The following MDN1 variants were observed in gnomAD, a reference collection of about 807,000 sequenced individuals.
The protein encoded by MDN1 is midasin AAA ATPase 1.
In MDN1, 266 loss-of-function variants were observed where a neutral mutation model predicts 669.2. The ratio of observed to expected loss-of-function variants is 0.40; its 90% CI spans 0.36 to 0.44. The LOEUF is 0.44. MDN1 is among the 20% of genes least tolerant of loss of function. MDN1 has a pLI of 1.00. For missense variants in MDN1, 5,940 were observed against 6,754.0 expected (o/e 0.88, Z 4.22); for synonymous variants, 2,385 against 2,457.1 (o/e 0.97, Z 0.87).
chr6:89,809,993 T>TAAAA lies in MDN1; in HGVS notation c.103-6443_103-6440dup, dbSNP rs61558155. ...GCAACAGAGTGAGACTCCGTTTCAC[T>TAAAA]AAAAAAAAAAAAAAAAAAAAAAAAA... is the stretch of plus-strand genomic sequence containing the variant. On this transcript the variant is annotated intron_variant, in intron 1 of 101. Transcript: ENST00000369393. Among the ~76,000 whole-genome samples, 73 of 52,820 alleles carry TAAAA rather than the reference T, an allele frequency of 1.4e-3. 1 individual carries two copies. The highest frequency in any genetic ancestry group is 2.3e-3 in the African/African-American group (29 of 12,750). 34.7% of individuals were successfully genotyped at this position (52,820 alleles called of 152,430 possible). A position where few individuals can be genotyped will look rare whatever the true frequency, so the allele number is the denominator to read the frequency against.
chr6:89,658,559 TCTC>T (rs1809495516), intron 89 of MDN1, 48 bp downstream of exon 89: 4 of 1,562,124 alleles, frequency 2.6e-6, no homozygotes, highest in Non-Finnish European at 3.5e-6. Context: ...TAAGGTGACT[TCTC>T]CTCTTCCTCA....
At chr6:89,780,566 T>C (rs1241999176) in intron 10 of MDN1, among the ~76,000 whole-genome samples, 1 of 151,586 alleles carries the variant, frequency 6.6e-6, no homozygotes, top group Non-Finnish European at 1.5e-5. Flanking sequence ...CATTACTCTC[T>C]GCCATCCATG....
intron 90 of MDN1, 68 bp from the exon 91 acceptor site, chr6:89,656,869 C>T (rs1809344949): frequency 1.2e-5 from 15 of 1,291,988 alleles, no homozygotes; most frequent in Non-Finnish European, 1.4e-5. Context: ...TACTGTGCTG[C>T]ATTGAATACA....
chr6:89,655,632 A>G (rs986675509), intron 92 of MDN1, 132 bp downstream of exon 92: 4 of 832,174 alleles, frequency 4.8e-6, no homozygotes, highest in Non-Finnish European at 5.5e-6. Context: ...TGACTTGATC[A>G]TTAAACATTG....
At chr6:89,771,789 G>A (rs1032648697) in intron 14 of MDN1, among the ~76,000 whole-genome samples, 168 bp from the exon 15 acceptor site, 1 of 152,092 alleles carries the variant, frequency 6.6e-6, no homozygotes, top group Non-Finnish European at 1.5e-5. Context: ...GCTCACTGCA[G>A]CCTCAACTTC....
At chr6:89,780,080 AC>A in intron 11 of MDN1, 131 bp downstream of exon 11, 7 of 554,732 alleles carry the variant, frequency 1.3e-5, no homozygotes, top group Non-Finnish European at 2.2e-5. Context: ...AAAAAAAAAA[AC>A]AAAAAAAGAA....
chr6:89,745,155 A>AT, intron 29 of MDN1, 118 bp downstream of exon 29: 2 of 1,107,032 alleles, frequency 1.8e-6, no homozygotes, highest in Non-Finnish European at 2.4e-6. Context: ...AAAAAAAAGA[A>AT]AAAAGAGGAA....
At chr6:89,761,590 A>G (rs1183881992) in intron 17 of MDN1, 55 bp downstream of exon 17, 16 of 1,299,328 alleles carry the variant, frequency 1.2e-5, no homozygotes, top group East Asian at 2.3e-5. Context: ...TGCCTGAAAC[A>G]TTGTTTTGCA....
intron 5 of MDN1, among the ~76,000 whole-genome samples, chr6:89,792,563 CAA>C (rs891966099): frequency 1.3e-5 from 2 of 152,168 alleles, no homozygotes; most frequent in South Asian, 2.1e-4. Context: ...GAAAAAAACA[CAA>C]AGAGCTTTGG....
rs751131111 is a variant in MDN1 at position 89,674,355 on chromosome 6, G to C, written c.12996C>G (p.Pro4332=). Residue 4332 remains proline (P), a synonymous_variant, in exon 79 of 102, where the codon CCC becomes CCG. Coordinates refer to ENST00000369393, the MANE Select transcript of MDN1 (RefSeq NM_014611.3). ...NVQVLGQPPG[P]CLEGPELSKG... is the part of the protein sequence containing the mutation. Reference sequence around the variant, plus strand: ...TGCTAAGTTCTGGTCCTTCCAGGCAGGGGCCAGGAGGCTGCCCCAGTACCT... The same window carrying C: ...TGCTAAGTTCTGGTCCTTCCAGGCACGGGCCAGGAGGCTGCCCCAGTACCT... The C allele has an allele frequency of 1.2e-6, 2 of 1,614,230 alleles. No homozygotes were observed. The highest frequency in any genetic ancestry group is 2.2e-5 in the South Asian group (2 of 91,090).
At chr6:89,741,262 G>A (rs1199679864) in intron 31 of MDN1, among the ~76,000 whole-genome samples, 2 of 152,050 alleles carry the variant, frequency 1.3e-5, no homozygotes, top group Non-Finnish European at 2.9e-5. Context: ...ACTAAATTGT[G>A]ATGGTTGCAA....
At chr6:89,689,371 C>G (rs2128307847) in intron 65 of MDN1, among the ~76,000 whole-genome samples, 1 of 152,272 alleles carries the variant, frequency 6.6e-6, no homozygotes, top group Middle Eastern at 3.4e-3. Flanking sequence ...TATACCTATT[C>G]TAGGTAAACA....
chr6:89,660,893 A>G (rs1809703378), intron 88 of MDN1, among the ~76,000 whole-genome samples: 1 of 152,204 alleles, frequency 6.6e-6, no homozygotes, highest in South Asian at 2.1e-4. Flanking sequence ...AATGCTTTCA[A>G]CTAATACCAG....
At chr6:89,658,526 C>A in intron 89 of MDN1, 84 bp downstream of exon 89, 2 of 1,537,370 alleles carry the variant, frequency 1.3e-6, no homozygotes, top group South Asian at 2.5e-5. Context: ...GGAGGAGTAT[C>A]CTAAAAGGGA....
intron 9 of MDN1, among the ~76,000 whole-genome samples, chr6:89,783,651 C>A (rs1818798837): frequency 6.6e-6 from 1 of 152,088 alleles, no homozygotes; most frequent in African/African-American, 2.4e-5. Flanking sequence ...TCTTACACCC[C>A]CTCCCCTTTT....
intron 29 of MDN1, 121 bp from the exon 30 acceptor site, chr6:89,743,835 G>A: frequency 9.2e-7 from 1 of 1,090,958 alleles, no homozygotes; most frequent in Non-Finnish European, 1.3e-6. Context: ...AAACAGTGCT[G>A]GCCAATGTGG....
chr6:89,747,909 A>C (rs1310171869), intron 26 of MDN1, among the ~76,000 whole-genome samples: 1 of 151,844 alleles, frequency 6.6e-6, no homozygotes, highest in Non-Finnish European at 1.5e-5. Context: ...AAAAAAAAAA[A>C]AAAGATTAAT....
intron 11 of MDN1, 117 bp from the exon 12 acceptor site, chr6:89,776,812 T>G: frequency 1.4e-6 from 1 of 727,542 alleles, no homozygotes. Flanking sequence ...AACATTTCTC[T>G]AAAAATGAAG....
At chr6:89,770,225 A>T (rs1360342950) in intron 15 of MDN1, among the ~76,000 whole-genome samples, 1 of 152,056 alleles carries the variant, frequency 6.6e-6, no homozygotes, top group Non-Finnish European at 1.5e-5. Context: ...CAAACATGGT[A>T]AAACCCTGTT....
Sources: gnomAD v4.1 joint callset for allele counts (sites outside exome capture counted in the v4.1 genomes callset) on GRCh38, gnomAD v4.1.1 for gene constraint, MANE v1.5 for transcripts, NCBI Gene and HGNC (gene_info 2026-07-23, HGNC 2026-07-21) for gene names.